Variants in CCDC73 observed in about 807,000 individuals in gnomAD.
CCDC73 encodes the protein coiled-coil domain-containing protein 73.
A neutral mutation model predicts 116.5 loss-of-function variants in CCDC73; 95 were observed. The ratio of observed to expected loss-of-function variants is 0.82; its 90% CI spans 0.69 to 0.97. The LOEUF (loss-of-function observed/expected upper bound fraction) is 0.97. Among genes scored for constraint, CCDC73 ranks in the 50% least tolerant of loss-of-function variants. CCDC73 has a pLI of 0.00. For missense variants in CCDC73, 1,066 were observed against 1,206.8 expected (o/e 0.88, Z 1.73); for synonymous variants, 398 against 401.3 (o/e 0.99, Z 0.10).
At chr11:32,819,231 TC>T in the CCDC73 span, among the ~76,000 whole-genome samples, 1 of 152,012 alleles carries the variant, frequency 6.6e-6, no homozygotes, top group Non-Finnish European at 1.5e-5. Context: ...TTGAGTAACC[TC>T]TGTTATTCAA....
In CCDC73 at chr11:32,718,114, T is replaced by C; in HGVS notation, c.169A>G (p.Lys57Glu). Reference sequence around the variant, plus strand: ...AGTTCCTGTGTCTCCACAATAATTTTACCAATCTGCTCTTCATAATGAATT... The same window carrying C: ...AGTTCCTGTGTCTCCACAATAATTTCACCAATCTGCTCTTCATAATGAATT... ...AEIHYEEQIG[K>E]IIVETQELKW... The change falls in exon 3 of 18, where the codon AAA (lysine) becomes GAA (glutamate). Residue 57 changes from lysine (K) to glutamate (E), a missense_variant. Physicochemically the swap from Lys to Glu is moderately conservative, Grantham distance 56. Coordinates refer to ENST00000335185, the MANE Select transcript of CCDC73 (RefSeq NM_001008391.4). 1 of 1,608,640 alleles carries C rather than the reference T, an allele frequency of 6.2e-7. No individual in the cohort carries two copies. Among genetic ancestry groups the C allele is most frequent in the Non-Finnish European group, 8.5e-7 (1 of 1,178,164 alleles).
Position 32,611,180 on chromosome 11 carries a change from C to A in CCDC73, c.2982G>T (p.Lys994Asn), listed in dbSNP as rs201789942. The A allele has an allele frequency of 5.3e-5, 85 of 1,613,876 alleles. No individual in the cohort carries two copies. In the East Asian group the frequency reaches 5.6e-4, roughly 11 times the overall value. ...PDPKGEPSEE[K>N]NAMAKTFYDS... Reference sequence around the variant, plus strand: ...CATAAAAAGTCTTTGCCATTGCATTCTTCTCTTCACTGGGTTCTCCCTTGG... The same window carrying A: ...CATAAAAAGTCTTTGCCATTGCATTATTCTCTTCACTGGGTTCTCCCTTGG... The change falls in exon 17 of 18, where the codon AAG (lysine) becomes AAT (asparagine). Residue 994 changes from lysine to asparagine, a missense_variant. Lys to Asn is a moderately conservative substitution (Grantham distance 94). Transcript: ENST00000335185.
At chr11:32,623,921 T>A (rs2133230705) in intron 14 of CCDC73, among the ~76,000 whole-genome samples, 1 of 152,026 alleles carries the variant, frequency 6.6e-6, no homozygotes, top group Middle Eastern at 3.4e-3. Flanking sequence ...AAAACAAAAA[T>A]GCAAAGTACA....
At chr11:32,748,444 ATTTAAC>A (rs1345419165) in intron 2 of CCDC73, among the ~76,000 whole-genome samples, 1 of 152,188 alleles carries the variant, frequency 6.6e-6, no homozygotes, top group African/African-American at 2.4e-5. Context: ...AAACTCAATA[ATTTAAC>A]TTTGTCTCCT....
In CCDC73 at chr11:32,726,131, T is replaced by A. The variant is rs184906866; in HGVS notation, c.136-7984A>T. On this transcript the variant is annotated intron_variant, in intron 2 of 17. Transcript: ENST00000335185. ...ATACCACCCAAAGCCTCAAATTTCC[T>A]TTACAACTTTTCATGCACAAAGTCA... Among the ~76,000 whole-genome samples the A allele has an allele frequency of 2.4e-3, 373 of 152,314 alleles. 1 individual carries two copies. The highest frequency in any genetic ancestry group is 8.6e-3 in the African/African-American group (357 of 41,572).
At chr11:32,747,952 C>T (rs769770701) in intron 2 of CCDC73, among the ~76,000 whole-genome samples, 2 of 152,220 alleles carry the variant, frequency 1.3e-5, no homozygotes, top group Non-Finnish European at 2.9e-5. Flanking sequence ...ACGGGCTGCA[C>T]CCACTGTCCA....
chr11:32,796,090 T>G (rs1195942807), upstream of CCDC73, among the ~76,000 whole-genome samples: 1 of 152,198 alleles, frequency 6.6e-6, no homozygotes, highest in African/African-American at 2.4e-5. Flanking sequence ...TGTCACCTTT[T>G]TAGGGAAAGC....
chr11:32,788,714 C>T (rs2063126057), intron 1 of CCDC73, among the ~76,000 whole-genome samples: 1 of 152,130 alleles, frequency 6.6e-6, no homozygotes, highest in Non-Finnish European at 1.5e-5. Context: ...GGTCCTCCCA[C>T]CTCAGCCTCC....
chr11:32,623,418 G>A (rs1423012697), intron 14 of CCDC73, among the ~76,000 whole-genome samples: 3 of 152,144 alleles, frequency 2.0e-5, no homozygotes, highest in Admixed American at 6.6e-5. Flanking sequence ...GTGCATTGGT[G>A]TGATCATGGC....
chr11:32,626,043 C>T (rs1260169798), intron 14 of CCDC73, among the ~76,000 whole-genome samples: 1 of 146,166 alleles, frequency 6.8e-6, no homozygotes, highest in East Asian at 1.9e-4. Context: ...TCAAATTGTC[C>T]CTGTTTGCAG....
intron 9 of CCDC73, among the ~76,000 whole-genome samples, chr11:32,670,391 C>T (rs745377274): frequency 6.6e-6 from 1 of 151,804 alleles, no homozygotes; most frequent in Non-Finnish European, 1.5e-5. Context: ...GCGTGGTGGC[C>T]GGTGCCTGTA....
upstream of CCDC73, among the ~76,000 whole-genome samples, chr11:32,799,407 A>G (rs1850752671): frequency 6.6e-6 from 1 of 151,248 alleles, no homozygotes; most frequent in East Asian, 1.9e-4. Flanking sequence ...TTTTGTATTT[A>G]TTTGTATAGA....
At chr11:32,604,981 T>A (rs558203699) in intron 17 of CCDC73, 1 of 152,176 alleles carries the variant, frequency 6.6e-6, no homozygotes, top group East Asian at 1.9e-4. Context: ...GCCTCCCGAG[T>A]AGCTGGGATT....
chr11:32,663,095 G>A (rs1408177001), intron 9 of CCDC73, among the ~76,000 whole-genome samples: 3 of 152,176 alleles, frequency 2.0e-5, no homozygotes, highest in Non-Finnish European at 2.9e-5. Context: ...CTGTAGCCTT[G>A]TAGTATAGTT....
At position 32,697,363 on chromosome 11, in the gene CCDC73, T is replaced by C. The variant is rs140984939; in HGVS notation, c.390+1888A>G. Among the ~76,000 whole-genome samples, 19 of 152,226 alleles carry C rather than the reference T, an allele frequency of 1.2e-4. No individual in the cohort carries two copies. In the East Asian group the frequency reaches 3.5e-3, roughly 28 times the overall value. ...TAATTCAATAACATAAGCTAATATATGGTCATATTCAAATATCCCAATTGT... is the reference window on the plus strand; with the variant it reads ...TAATTCAATAACATAAGCTAATATACGGTCATATTCAAATATCCCAATTGT... On this transcript the variant is annotated intron_variant, in intron 6 of 17. Coordinates refer to ENST00000335185, the MANE Select transcript of CCDC73 (RefSeq NM_001008391.4).
intron 5 of CCDC73, 42 bp from the exon 6 acceptor site, chr11:32,699,367 TA>T: frequency 6.8e-7 from 1 of 1,480,916 alleles, no homozygotes. Context: ...CCAATGTAAA[TA>T]ATAATACAAA....
intron 15 of CCDC73, among the ~76,000 whole-genome samples, chr11:32,615,276 G>A (rs907259173): frequency 5.3e-5 from 8 of 152,012 alleles, no homozygotes; most frequent in Non-Finnish European, 1.0e-4. Flanking sequence ...AGGACACTTA[G>A]TACAATTCCA....
At chr11:32,734,093 A>G (rs1276093004) in intron 2 of CCDC73, among the ~76,000 whole-genome samples, 1 of 152,232 alleles carries the variant, frequency 6.6e-6, no homozygotes, top group African/African-American at 2.4e-5. Flanking sequence ...AGGGGATATC[A>G]CCACTGATCC....
At chr11:32,733,764 A>AAAG (rs1279363557) in intron 2 of CCDC73, among the ~76,000 whole-genome samples, 2 of 152,216 alleles carry the variant, frequency 1.3e-5, no homozygotes, top group African/African-American at 4.8e-5. Flanking sequence ...GGACACATTT[A>AAAG]AAGCAGTGTG....
Sources: gnomAD v4.1 joint callset for allele counts (sites outside exome capture counted in the v4.1 genomes callset) on GRCh38, gnomAD v4.1.1 for gene constraint, MANE v1.5 for transcripts, NCBI Gene and HGNC (gene_info 2026-07-23, HGNC 2026-07-21) for gene names.